PCBD2: variants seen among roughly 807,000 people sequenced by gnomAD.
PCBD2 encodes the protein pterin-4 alpha-carbinolamine dehydratase 2, also known as pterin-4-alpha-carbinolamine dehydratase 2.
PCBD2 carries 12 observed loss-of-function variants against 16.4 expected under a neutral mutation model. That is an observed-to-expected ratio of 0.73 (90% CI 0.47 to 1.19). The LOEUF (loss-of-function observed/expected upper bound fraction) is 1.19. PCBD2 is among the 50% of genes most tolerant of loss of function. PCBD2 has a pLI of 0.00. For missense variants in PCBD2, 138 were observed against 156.8 expected (o/e 0.88, Z 0.64); for synonymous variants, 58 against 61.8 (o/e 0.94, Z 0.29).
chr5:134,935,868 C>G (rs1283122132), intron 2 of PCBD2, among the ~76,000 whole-genome samples: 2 of 152,164 alleles, frequency 1.3e-5, no homozygotes, highest in Non-Finnish European at 2.9e-5. Flanking sequence ...CGTGCGTAGC[C>G]CTGAGTGGAA....
At chr5:134,948,500 A>ACTC (rs1471500864) in intron 2 of PCBD2, among the ~76,000 whole-genome samples, 2 of 152,022 alleles carry the variant, frequency 1.3e-5, no homozygotes, top group Non-Finnish European at 2.9e-5. Context: ...ATATTAATAT[A>ACTC]CTCCTATCTA....
rs1030075539 is a variant in PCBD2 at position 134,938,796 on chromosome 5, A to C, written c.217-20244A>C. 1.3e-5 allele frequency among the ~76,000 whole-genome samples: 2 copies of C among 152,238 alleles called. 1 individual carries two copies. The highest frequency in any genetic ancestry group is 6.3e-3 in the Middle Eastern group (2 of 316). On this transcript the variant is annotated intron_variant, in intron 2 of 3. Transcript: ENST00000254908. ...GTTTTAAAATATTGCATTAAAACTC[A>C]AACTATTTCCCATTTGTTTTGACGT...
chr5:134,923,436 G>T, intron 2 of PCBD2: 1 of 226,588 alleles, frequency 4.4e-6, no homozygotes, highest in South Asian at 1.7e-4. Flanking sequence ...GGGGTTGTTT[G>T]ATCCTGTTTC....
chr5:134,933,827 T>C (rs911100896), intron 2 of PCBD2, among the ~76,000 whole-genome samples: 1 of 152,148 alleles, frequency 6.6e-6, no homozygotes, highest in South Asian at 2.1e-4. Context: ...TAGATAGAAT[T>C]GATCCATTGA....
chr5:134,911,847 G>T (rs1750772471), intron 2 of PCBD2, among the ~76,000 whole-genome samples: 1 of 152,234 alleles, frequency 6.6e-6, no homozygotes, highest in East Asian at 1.9e-4. Flanking sequence ...CTTGTTAGGG[G>T]CTTAGCACGC....
chr5:134,958,340 A>C (rs1751437252), intron 2 of PCBD2, among the ~76,000 whole-genome samples: 1 of 152,228 alleles, frequency 6.6e-6, no homozygotes, highest in Non-Finnish European at 1.5e-5. Context: ...GAGCCCCGTC[A>C]GTCCACACTT....
intron 2 of PCBD2, among the ~76,000 whole-genome samples, chr5:134,931,458 T>G (rs1487775732): frequency 2.6e-5 from 4 of 152,212 alleles, no homozygotes. Context: ...TTGGGTATAG[T>G]AGCTCATTGT....
At chr5:134,907,025 G>T (rs1010809683) in intron 1 of PCBD2, among the ~76,000 whole-genome samples, 3 of 152,334 alleles carry the variant, frequency 2.0e-5, no homozygotes, top group African/African-American at 7.2e-5. Context: ...GGTGTCTGTT[G>T]TGGGCATAAA....
In PCBD2 at chr5:134,962,511, C is replaced by G. The variant is rs1304273065; in HGVS notation, c.*1830C>G. Among the ~76,000 whole-genome samples the G allele has an allele frequency of 5.3e-5, 8 of 152,060 alleles. No homozygotes were observed. The highest frequency in any genetic ancestry group is 2.1e-4 in the South Asian group (1 of 4,814). ...CAAATGATCTTCCTGCCTTGACCCC[C>G]CAAAGTGCTGGGATTACAGGCGTGA... On this transcript the variant is annotated 3_prime_UTR_variant, in exon 4 of 4. Coordinates refer to ENST00000254908, the MANE Select transcript of PCBD2 (RefSeq NM_032151.5).
At chr5:134,927,034 C>A (rs774850051) in intron 2 of PCBD2, 1 of 398,288 alleles carries the variant, frequency 2.5e-6, no homozygotes, top group South Asian at 1.3e-4. Flanking sequence ...TGGGTACGTT[C>A]GTAGTTTGAG....
intron 2 of PCBD2, 43 bp from the exon 3 acceptor site, chr5:134,958,997 A>G: frequency 6.7e-7 from 1 of 1,484,558 alleles, no homozygotes; most frequent in South Asian, 1.1e-5. Flanking sequence ...GGCTTAGGGT[A>G]GAGGACAATG....
At chr5:134,922,512 G>GA (rs1301519717) in intron 2 of PCBD2, among the ~76,000 whole-genome samples, 3 of 152,118 alleles carry the variant, frequency 2.0e-5, no homozygotes, top group African/African-American at 7.2e-5. Flanking sequence ...CTGTAGGCTA[G>GA]ACACTATGCC....
chr5:134,906,039 A>G (rs1750684705), intron 1 of PCBD2, among the ~76,000 whole-genome samples: 1 of 149,746 alleles, frequency 6.7e-6, no homozygotes. Context: ...CGCCCAGGTA[A>G]TTTTTTATAT....
intron 1 of PCBD2, chr5:134,905,478 A>C (rs557249100): frequency 5.1e-5 from 18 of 353,516 alleles, no homozygotes; most frequent in African/African-American, 3.6e-4. Flanking sequence ...TGCCAACCGG[A>C]AACAAATGGG....
intron 2 of PCBD2, among the ~76,000 whole-genome samples, chr5:134,957,603 C>G (rs182185353): frequency 9.9e-5 from 15 of 152,192 alleles, no homozygotes; most frequent in Non-Finnish European, 1.8e-4. Flanking sequence ...CCCTTGAGCT[C>G]AGGAGGTTGA....
At chr5:134,938,238 G>A (rs1028681942) in intron 2 of PCBD2, among the ~76,000 whole-genome samples, 7 of 152,178 alleles carry the variant, frequency 4.6e-5, no homozygotes, top group Non-Finnish European at 8.8e-5. Context: ...CATAAGGCAT[G>A]TCTCCAGATC....
chr5:134,905,228 G>A lies in PCBD2; in HGVS notation c.84+5G>A. On this transcript the variant is annotated splice_donor_5th_base_variant and intron_variant, in intron 1 of 3. Transcript: ENST00000254908. Reference sequence around the variant, plus strand: ...AGCCTAGGGCTAGCGGCCATGGTGAGTGCACAGCGGCCGCGTGGGTGGGGG... The same window carrying A: ...AGCCTAGGGCTAGCGGCCATGGTGAATGCACAGCGGCCGCGTGGGTGGGGG... 8.2e-7 allele frequency: 1 copy of A among 1,223,978 alleles called. No homozygotes were observed. The allele number at this position is 1,223,978 out of a possible 1,614,324, so 75.8% of individuals were successfully genotyped here. A position where few individuals can be genotyped will look rare whatever the true frequency, so the allele number is the denominator to read the frequency against.
Position 134,961,575 on chromosome 5 carries a change from C to T in PCBD2, c.*894C>T, listed in dbSNP as rs895235925. Among the ~76,000 whole-genome samples the T allele has an allele frequency of 8.5e-5, 13 of 152,194 alleles. No homozygotes were observed. Among genetic ancestry groups the T allele is most frequent in the Non-Finnish European group, 1.9e-4 (13 of 68,012 alleles). On this transcript the variant is annotated 3_prime_UTR_variant, in exon 4 of 4. Coordinates refer to ENST00000254908, the MANE Select transcript of PCBD2 (RefSeq NM_032151.5). ...TTGGGATCACAGGCATGAGCCACCG[C>T]GCTTGGCCAGAAGTGGCATTCTTAA...
At chr5:134,919,408 A>C (rs1242753357) in intron 2 of PCBD2, among the ~76,000 whole-genome samples, 1 of 152,248 alleles carries the variant, frequency 6.6e-6, no homozygotes, top group African/African-American at 2.4e-5. Flanking sequence ...TAGACTGTGA[A>C]TATCAACAGA....
Sources: gnomAD v4.1 joint callset for allele counts (sites outside exome capture counted in the v4.1 genomes callset) on GRCh38, gnomAD v4.1.1 for gene constraint, MANE v1.5 for transcripts, NCBI Gene and HGNC (gene_info 2026-07-23, HGNC 2026-07-21) for gene names.